Variants in LARGE1 observed in about 807,000 individuals in gnomAD.
LARGE1 encodes LARGE xylosyl- and glucuronyltransferase 1.
A neutral mutation model predicts 87.6 loss-of-function variants in LARGE1; 43 were observed. The ratio of observed to expected loss-of-function variants is 0.49; its 90% CI spans 0.38 to 0.63. The LOEUF is 0.63. Ranked by LOEUF, LARGE1 falls within the 30% of genes least tolerant of loss-of-function variation. The probability of loss-of-function intolerance (pLI) is 0.00; values close to 1 mark genes in which losing one functional copy is unlikely to be tolerated. For synonymous variants in LARGE1, 434 were observed against 394.6 expected (o/e 1.10, Z -1.18); for missense variants, 802 against 1,000.2 (o/e 0.80, Z 2.67).
chr22:33,507,102 C>T (rs2070804738), intron 6 of LARGE1, among the ~76,000 whole-genome samples: 1 of 152,040 alleles, frequency 6.6e-6, no homozygotes, highest in East Asian at 1.9e-4. Context: ...AAGTAAACAC[C>T]CCCCAACCCC....
intron 2 of LARGE1, among the ~76,000 whole-genome samples, chr22:33,727,861 G>A (rs2083318571): frequency 6.6e-6 from 1 of 152,154 alleles, no homozygotes; most frequent in South Asian, 2.1e-4. Context: ...AAGGTCAGGG[G>A]AAGCTTCTTA....
intron 11 of LARGE1, among the ~76,000 whole-genome samples, chr22:33,264,889 CTTTTTTTTTTT>C (rs200074908): frequency 4.2e-4 from 31 of 74,374 alleles, no homozygotes; most frequent in Admixed American, 2.0e-3. Context: ...TGATCAAATT[CTTTTTTTTTTT>C]TTTTTTTTTT....
At chr22:33,516,232 C>T (rs1264704827) in intron 6 of LARGE1, among the ~76,000 whole-genome samples, 1 of 152,060 alleles carries the variant, frequency 6.6e-6, no homozygotes, top group Non-Finnish European at 1.5e-5. Context: ...GGCGGGGAAA[C>T]AGTAAGCACA....
chr22:33,800,402 T>C (rs146000459), intron 1 of LARGE1, among the ~76,000 whole-genome samples: 54 of 152,348 alleles, frequency 3.5e-4, no homozygotes, highest in African/African-American at 1.3e-3. Flanking sequence ...TCAGATTTTA[T>C]TAGTTCTTGC....
chr22:33,831,473 G>T (rs973587341), intron 1 of LARGE1, among the ~76,000 whole-genome samples: 1 of 152,120 alleles, frequency 6.6e-6, no homozygotes, highest in Non-Finnish European at 1.5e-5. Flanking sequence ...CCGTGAGGAC[G>T]GAGTGGGAGG....
intron 11 of LARGE1, among the ~76,000 whole-genome samples, chr22:33,225,262 G>GCAGGAC (rs1390481556): frequency 6.6e-6 from 1 of 152,206 alleles, no homozygotes; most frequent in East Asian, 1.9e-4. Flanking sequence ...GGGCCTGGGA[G>GCAGGAC]CAGGACACAA....
At chr22:33,781,755 G>C (rs1054635650) in intron 1 of LARGE1, among the ~76,000 whole-genome samples, 1 of 152,108 alleles carries the variant, frequency 6.6e-6, no homozygotes, top group Non-Finnish European at 1.5e-5. Context: ...GTAAGTGACC[G>C]CATTAGTCCA....
intron 1 of LARGE1, among the ~76,000 whole-genome samples, chr22:33,829,590 T>C (rs552103545): frequency 1.6e-4 from 25 of 152,272 alleles, no homozygotes; most frequent in Admixed American, 3.3e-4. Context: ...CTCTCAAAAA[T>C]TCTCCCAGCC....
At chr22:33,142,923 G>GGA in the LARGE1 span, among the ~76,000 whole-genome samples, 1 of 152,056 alleles carries the variant, frequency 6.6e-6, no homozygotes, top group African/African-American at 2.4e-5. Context: ...GGAGAGCAAG[G>GGA]GAGAGAGAGA....
intron 10 of LARGE1, among the ~76,000 whole-genome samples, chr22:33,335,845 A>T (rs1938373549): frequency 6.6e-6 from 1 of 152,214 alleles, no homozygotes; most frequent in South Asian, 2.1e-4. Flanking sequence ...AGAAATCCTT[A>T]AACCAGTGGA....
In LARGE1 at chr22:33,910,783, C is replaced by T. The variant is rs558154006; in HGVS notation, c.-83+9212G>A. Among the ~76,000 whole-genome samples, 7 of 152,254 alleles carry T rather than the reference C, an allele frequency of 4.6e-5. No individual in the cohort carries two copies. In the East Asian group the frequency reaches 1.4e-3, roughly 29 times the overall value. On this transcript the variant is annotated intron_variant, in intron 1 of 14. Coordinates refer to ENST00000397394, the MANE Select transcript of LARGE1 (RefSeq NM_133642.5). ...GGGTTGGATCCAGCAAAAAAAGCAG[C>T]GTAACAAGGCCACTCAAGTGGGAAA... is the stretch of plus-strand genomic sequence containing the variant.
intron 1 of LARGE1, among the ~76,000 whole-genome samples, chr22:33,786,837 T>C (rs13053619): frequency 0.02 from 3,016 of 152,082 alleles, 80 homozygotes; most frequent in African/African-American, 0.062. Flanking sequence ...CTGGCCAATA[T>C]AGTGAAACTC....
intron 11 of LARGE1, among the ~76,000 whole-genome samples, chr22:33,259,124 C>T (rs1001977341): frequency 3.9e-5 from 6 of 152,088 alleles, no homozygotes; most frequent in Non-Finnish European, 5.9e-5. Flanking sequence ...GTGATTTGCC[C>T]GCCTTGGCCT....
chr22:33,845,544 A>T (rs145917474), intron 1 of LARGE1, among the ~76,000 whole-genome samples: 1 of 151,714 alleles, frequency 6.6e-6, no homozygotes, highest in African/African-American at 2.4e-5. Context: ...CTGACCTCAG[A>T]TCATCTACCC....
chr22:33,848,146 AT>A lies in LARGE1; in HGVS notation c.-83+71848del, dbSNP rs564841136. On this transcript the variant is annotated intron_variant, in intron 1 of 14. Transcript: ENST00000397394. ...CAATCAAAACTAAATCAGGCAGCGT[AT>A]TTTTTTTGAGTCCTCCGTATTTCTT... Among the ~76,000 whole-genome samples, 54 of 152,114 alleles carry A rather than the reference AT, an allele frequency of 3.5e-4. 2 individuals carry two copies. The South Asian group carries it at 8.3e-3, about 23-fold the overall frequency.
At chr22:33,634,761 C>T (rs1225714790) in intron 3 of LARGE1, among the ~76,000 whole-genome samples, 1 of 152,044 alleles carries the variant, frequency 6.6e-6, no homozygotes, top group African/African-American at 2.4e-5. Flanking sequence ...GGCAGACAGA[C>T]CTGACAGCAA....
chr22:33,466,695 C>T (rs976820901), intron 6 of LARGE1, among the ~76,000 whole-genome samples: 8 of 147,034 alleles, frequency 5.4e-5, no homozygotes, highest in Non-Finnish European at 1.2e-4. Flanking sequence ...TCTCTCTCTA[C>T]ACACACACAC....
chr22:33,077,580 C>T, the LARGE1 span, among the ~76,000 whole-genome samples: 49,204 of 151,934 alleles, frequency 0.32, 8,266 homozygotes, highest in Non-Finnish European at 0.37. Flanking sequence ...CACAATAAAA[C>T]GAGATGAATT....
At chr22:33,748,995 A>C (rs2084208851) in intron 2 of LARGE1, among the ~76,000 whole-genome samples, 1 of 152,182 alleles carries the variant, frequency 6.6e-6, no homozygotes, top group Admixed American at 6.5e-5. Flanking sequence ...CTCCCAGGAG[A>C]CTTTCCAGGA....
Sources: gnomAD v4.1 joint callset for allele counts (sites outside exome capture counted in the v4.1 genomes callset) on GRCh38, gnomAD v4.1.1 for gene constraint, MANE v1.5 for transcripts, NCBI Gene and HGNC (gene_info 2026-07-23, HGNC 2026-07-21) for gene names.